The following ADAMTSL1 variants were observed in gnomAD, a reference collection of about 807,000 sequenced individuals.
The protein encoded by ADAMTSL1 is ADAMTS like 1.
A neutral mutation model predicts 201.8 loss-of-function variants in ADAMTSL1; 126 were observed. The ratio of observed to expected loss-of-function variants is 0.62; its 90% CI spans 0.54 to 0.72. ADAMTSL1 has a LOEUF of 0.72. Ranked by LOEUF, ADAMTSL1 falls within the 30% of genes least tolerant of loss-of-function variation. The probability of loss-of-function intolerance (pLI) is 0.00; values close to 1 mark genes in which losing one functional copy is unlikely to be tolerated. For missense variants in ADAMTSL1, 2,679 were observed against 2,277.8 expected, an observed-to-expected ratio of 1.18 and a Z score of -3.59; for synonymous variants, 1,121 against 903.4, an observed-to-expected ratio of 1.24 and a Z score of -4.32.
chr9:18,904,959 T>C (rs1034147340), intron 26 of ADAMTSL1, among the ~76,000 whole-genome samples: 2 of 152,062 alleles, frequency 1.3e-5, no homozygotes, highest in Admixed American at 6.5e-5. Context: ...AACCTCTTGC[T>C]AGAAAAAAGC....
At chr9:18,639,646 G>A (rs1355225619) in intron 7 of ADAMTSL1, among the ~76,000 whole-genome samples, 1 of 152,060 alleles carries the variant, frequency 6.6e-6, no homozygotes, top group East Asian at 1.9e-4. Context: ...TCTTTATTAT[G>A]TAATTAATAA....
chr9:17,945,873 G>A (rs1348262149), intron 1 of ADAMTSL1, among the ~76,000 whole-genome samples: 22 of 150,188 alleles, frequency 1.5e-4, no homozygotes, highest in Non-Finnish European at 3.1e-4. Context: ...GCTAAATGAC[G>A]AGTTAATGGG....
At chr9:18,483,152 G>A (rs564835313) in intron 1 of ADAMTSL1, among the ~76,000 whole-genome samples, 3 of 152,110 alleles carry the variant, frequency 2.0e-5, no homozygotes, top group Non-Finnish European at 2.9e-5. Context: ...GAATATCTTT[G>A]TATCTCTAGC....
At chr9:17,969,636 T>C (rs936074361) in intron 1 of ADAMTSL1, among the ~76,000 whole-genome samples, 6 of 152,066 alleles carry the variant, frequency 3.9e-5, no homozygotes. Flanking sequence ...GAAGAAATAT[T>C]TGAGCAGTAT....
chr9:18,309,226 T>A (rs1052154302), intron 2 of ADAMTSL1, among the ~76,000 whole-genome samples: 1 of 152,148 alleles, frequency 6.6e-6, no homozygotes, highest in African/African-American at 2.4e-5. Flanking sequence ...CCACAGCCAA[T>A]ATCTTACTGA....
chr9:18,205,981 G>A (rs1338137332), intron 2 of ADAMTSL1, among the ~76,000 whole-genome samples: 2 of 137,556 alleles, frequency 1.5e-5, no homozygotes, highest in East Asian at 4.8e-4. Flanking sequence ...TTGAAACCGG[G>A]AGACAGAGTT....
chr9:18,885,555 C>T (rs144232584), intron 23 of ADAMTSL1, among the ~76,000 whole-genome samples: 8 of 152,122 alleles, frequency 5.3e-5, no homozygotes, highest in South Asian at 4.1e-4. Context: ...GAAGTATAAC[C>T]GCTTTCTCAT....
intron 20 of ADAMTSL1, among the ~76,000 whole-genome samples, chr9:18,809,200 A>C (rs1467024273): frequency 6.6e-6 from 1 of 152,190 alleles, no homozygotes; most frequent in Admixed American, 6.5e-5. Context: ...TCTAAAGTAT[A>C]CATCTCTTCA....
Position 18,817,096 on chromosome 9 carries a change from TTCTTA to T in ADAMTSL1, c.3806-8_3806-4del, listed in dbSNP as rs559608224. The T allele has an allele frequency of 1.2e-4, 195 of 1,608,678 alleles. 1 individual carries two copies. In the South Asian group the frequency reaches 1.4e-3, roughly 12 times the overall value. On this transcript the variant is annotated splice_region_variant and splice_polypyrimidine_tract_variant and intron_variant, in intron 20 of 28. Coordinates refer to ENST00000380548, the MANE Select transcript of ADAMTSL1 (RefSeq NM_001040272.6). ...ACCACCAAGTAACATCTCATATTCTTTCTTATCTTCAGGAAAGCCACTAGTGAAAA... is the reference window on the plus strand; with the variant it reads ...ACCACCAAGTAACATCTCATATTCTTTCTTCAGGAAAGCCACTAGTGAAAA...
At chr9:18,228,371 C>T (rs180705132) in intron 2 of ADAMTSL1, among the ~76,000 whole-genome samples, 24 of 152,258 alleles carry the variant, frequency 1.6e-4, no homozygotes, top group Admixed American at 8.5e-4. Flanking sequence ...TCCTCTCATG[C>T]TGCTTGGATC....
At chr9:18,853,918 T>TGTGTGTGTGTGTCCGCGC (rs139332733) in intron 23 of ADAMTSL1, among the ~76,000 whole-genome samples, 1 of 145,382 alleles carries the variant, frequency 6.9e-6, no homozygotes, top group African/African-American at 2.5e-5. Context: ...TGTGTGTGTG[T>TGTGTGTGTGTGTCCGCGC]GCGCGTGCAT....
intron 2 of ADAMTSL1, among the ~76,000 whole-genome samples, chr9:18,445,234 C>A (rs1183540807): frequency 6.6e-6 from 1 of 152,134 alleles, no homozygotes; most frequent in African/African-American, 2.4e-5. Context: ...AAAAGTACAG[C>A]CTTTGATTTG....
chr9:17,919,230 T>C (rs939248507), intron 1 of ADAMTSL1, among the ~76,000 whole-genome samples: 3 of 151,808 alleles, frequency 2.0e-5, no homozygotes, highest in African/African-American at 7.2e-5. Flanking sequence ...AGTAGTACAT[T>C]ATTATTATTT....
At position 18,025,239 on chromosome 9, in the gene ADAMTSL1, G is replaced by A. The variant is rs377492216; in HGVS notation, c.87+118317G>A. On this transcript the variant is annotated intron_variant, in intron 1 of 29. Transcript: ENST00000680146. ...GTTTACTCTGTTGATAGTTTCTTTT[G>A]CTGTGTAAAAGCTTTTTAATTAGGT... 2.2e-3 allele frequency among the ~76,000 whole-genome samples: 327 copies of A among 151,984 alleles called. 7 individuals carry two copies. The South Asian group carries it at 0.035, about 16-fold the overall frequency.
Position 18,520,647 on chromosome 9 carries a change from G to A in ADAMTSL1, c.192-12600G>A, listed in dbSNP as rs138201620. Among the ~76,000 whole-genome samples the A allele has an allele frequency of 5.5e-3, 841 of 152,296 alleles. 2 individuals carry two copies. The highest frequency in any genetic ancestry group is 8.8e-3 in the Non-Finnish European group (598 of 68,028). On this transcript the variant is annotated intron_variant, in intron 2 of 28. Transcript: ENST00000380548. ...TAGTGCCTCTGGCACACTGGGATGA[G>A]CTAACATGGCACCAGGGATGTGTCT...
intron 2 of ADAMTSL1, among the ~76,000 whole-genome samples, chr9:18,281,934 C>T (rs1300810206): frequency 1.3e-5 from 2 of 152,110 alleles, no homozygotes; most frequent in Non-Finnish European, 2.9e-5. Flanking sequence ...CTTATTTCTT[C>T]TTTGACCCGT....
intron 2 of ADAMTSL1, among the ~76,000 whole-genome samples, chr9:18,219,069 C>A (rs1049854967): frequency 2.0e-5 from 3 of 151,694 alleles, no homozygotes; most frequent in African/African-American, 7.3e-5. Flanking sequence ...ATTTCATTCT[C>A]CTTATTTTCA....
At chr9:18,775,947 A>G (rs1255350681) in intron 18 of ADAMTSL1, 51 bp downstream of exon 18, 3 of 1,555,820 alleles carry the variant, frequency 1.9e-6, no homozygotes, top group Non-Finnish European at 2.6e-6. Flanking sequence ...ACACAGCAGC[A>G]GCTATAGCCA....
intron 1 of ADAMTSL1, among the ~76,000 whole-genome samples, chr9:18,122,315 G>A (rs752681394): frequency 6.6e-6 from 1 of 152,162 alleles, no homozygotes; most frequent in Admixed American, 6.6e-5. Flanking sequence ...ATCCTGGAGA[G>A]CCTCTGCAAC....
Sources: allele counts gnomAD v4.1 joint callset (sites outside exome capture counted in the v4.1 genomes callset), GRCh38; gene constraint gnomAD v4.1.1; transcripts MANE v1.5; gene names NCBI Gene and HGNC (gene_info 2026-07-23, HGNC 2026-07-21).